Variants in AGBL4 observed in about 807,000 individuals in gnomAD.
The protein encoded by AGBL4 is AGBL carboxypeptidase 4.
AGBL4 carries 58 observed loss-of-function variants against 66.4 expected under a neutral mutation model. That is an observed-to-expected ratio of 0.87 (90% CI 0.71 to 1.09). The LOEUF (loss-of-function observed/expected upper bound fraction) is 1.09, where lower values mean the gene tolerates loss of function less well. AGBL4 is among the 50% of genes least tolerant of loss of function. AGBL4 has a pLI of 0.00. For synonymous variants in AGBL4, 234 were observed against 222.9 expected (o/e 1.05, Z -0.44); for missense variants, 579 against 631.0 (o/e 0.92, Z 0.88).
chr1:49,771,613 T>C (rs1039601063), intron 2 of AGBL4, among the ~76,000 whole-genome samples: 1 of 152,120 alleles, frequency 6.6e-6, no homozygotes, highest in East Asian at 1.9e-4. Context: ...TTACAATTAT[T>C]GTATTGCAGA....
chr1:48,855,892 CA>C (rs746010938), intron 6 of AGBL4, among the ~76,000 whole-genome samples: 4 of 151,624 alleles, frequency 2.6e-5, no homozygotes, highest in Non-Finnish European at 5.9e-5. Flanking sequence ...AAAATATAGA[CA>C]AAAACATACA....
At chr1:49,034,215 G>A in intron 5 of AGBL4, among the ~76,000 whole-genome samples, 1 of 152,060 alleles carries the variant, frequency 6.6e-6, no homozygotes, top group African/African-American at 2.4e-5. Context: ...TGGAGAAATG[G>A]GGACAGGGAT....
chr1:49,605,959 C>T (rs1571158818), intron 3 of AGBL4, among the ~76,000 whole-genome samples: 1 of 152,066 alleles, frequency 6.6e-6, no homozygotes, highest in Non-Finnish European at 1.5e-5. Context: ...AGACTATTGT[C>T]TTCTTGGCAT....
intron 1 of AGBL4, among the ~76,000 whole-genome samples, chr1:49,971,406 T>C (rs1658071783): frequency 6.6e-6 from 1 of 152,150 alleles, no homozygotes; most frequent in South Asian, 2.1e-4. Context: ...TAATAATGGT[T>C]CCAAAGCACA....
chr1:48,849,042 C>G (rs1457265800), intron 6 of AGBL4, among the ~76,000 whole-genome samples: 1 of 152,192 alleles, frequency 6.6e-6, no homozygotes, highest in Admixed American at 6.5e-5. Context: ...GGAGGGGAAC[C>G]CCAGCTTCTG....
chr1:49,624,898 T>C (rs1449581289), intron 3 of AGBL4, among the ~76,000 whole-genome samples: 1 of 152,216 alleles, frequency 6.6e-6, no homozygotes, highest in African/African-American at 2.4e-5. Flanking sequence ...TTAACTAATA[T>C]ACTTGCCTTC....
At chr1:48,586,939 T>C (rs756423053) in intron 11 of AGBL4, 65 bp downstream of exon 11, 11 of 1,598,038 alleles carry the variant, frequency 6.9e-6, no homozygotes, top group Middle Eastern at 1.7e-4. Flanking sequence ...ATTCCTGACC[T>C]GTCAGACTTG....
chr1:49,768,245 T>A (rs146113259), intron 2 of AGBL4, among the ~76,000 whole-genome samples: 9 of 152,186 alleles, frequency 5.9e-5, no homozygotes, highest in Non-Finnish European at 1.2e-4. Context: ...CAGGTTAATA[T>A]GCATGATGAA....
At chr1:48,747,609 C>G (rs1358234686) in intron 6 of AGBL4, among the ~76,000 whole-genome samples, 1 of 152,186 alleles carries the variant, frequency 6.6e-6, no homozygotes, top group African/African-American at 2.4e-5. Context: ...TGGTAAAGAT[C>G]CTGGTTCTGT....
At chr1:49,725,118 C>T (rs540592654) in intron 2 of AGBL4, among the ~76,000 whole-genome samples, 85 of 152,070 alleles carry the variant, frequency 5.6e-4, no homozygotes, top group Non-Finnish European at 8.1e-4. Context: ...ATTTTCCTCT[C>T]CTGTCAGAAT....
At chr1:49,144,239 C>T (rs1447247486) in intron 4 of AGBL4, among the ~76,000 whole-genome samples, 2 of 151,786 alleles carry the variant, frequency 1.3e-5, no homozygotes, top group African/African-American at 2.4e-5. Context: ...TATCAGTGGT[C>T]GCCAGGTACT....
At chr1:49,495,445 A>G (rs563833122) in intron 3 of AGBL4, among the ~76,000 whole-genome samples, 11 of 152,138 alleles carry the variant, frequency 7.2e-5, no homozygotes, top group South Asian at 2.1e-4. Flanking sequence ...AACATGGCCC[A>G]GGGAATCCAA....
Position 49,179,902 on chromosome 1 carries a change from T to A in AGBL4, c.377+65868A>T, listed in dbSNP as rs1444270346. ...TTACTTAACATCTTTATTTTTTTTA[T>A]TTTTTTTTTATTTTTTGAGACGGAG... On this transcript the variant is annotated intron_variant, in intron 4 of 13. Transcript: ENST00000371839. Among the ~76,000 whole-genome samples the A allele has an allele frequency of 2.0e-5, 3 of 149,430 alleles. No individual in the cohort carries two copies. In the South Asian group the frequency reaches 6.3e-4, roughly 32 times the overall value.
At chr1:49,775,930 AATAGTG>A (rs1364411838) in intron 2 of AGBL4, among the ~76,000 whole-genome samples, 2 of 152,116 alleles carry the variant, frequency 1.3e-5, no homozygotes, top group Non-Finnish European at 2.9e-5. Flanking sequence ...TCTGACTCTT[AATAGTG>A]AATTGGCTTT....
intron 1 of AGBL4, among the ~76,000 whole-genome samples, chr1:49,883,184 A>G (rs1401441935): frequency 6.6e-6 from 1 of 152,160 alleles, no homozygotes; most frequent in Non-Finnish European, 1.5e-5. Context: ...TTAATACAAC[A>G]CTACCATATC....
At chr1:49,412,948 T>G (rs1645347410) in intron 3 of AGBL4, among the ~76,000 whole-genome samples, 1 of 152,184 alleles carries the variant, frequency 6.6e-6, no homozygotes, top group East Asian at 1.9e-4. Context: ...ATTGACAATG[T>G]CAAATCCTGG....
chr1:49,691,702 A>G (rs538983067), intron 3 of AGBL4, among the ~76,000 whole-genome samples: 1 of 152,198 alleles, frequency 6.6e-6, no homozygotes, highest in Non-Finnish European at 1.5e-5. Flanking sequence ...TTAACATTTG[A>G]GTCAGTTGGG....
At chr1:49,601,448 C>T (rs377328082) in intron 3 of AGBL4, among the ~76,000 whole-genome samples, 261 of 151,844 alleles carry the variant, frequency 1.7e-3, no homozygotes, top group African/African-American at 5.7e-3. Context: ...GTATGCTTCA[C>T]GAAGTTCTAC....
intron 1 of AGBL4, among the ~76,000 whole-genome samples, chr1:50,003,637 G>A (rs2148423695): frequency 6.6e-6 from 1 of 152,250 alleles, no homozygotes; most frequent in East Asian, 1.9e-4. Context: ...GCCTGCCAGA[G>A]AGACAATAGC....
Sources: gnomAD v4.1 joint callset for allele counts (sites outside exome capture counted in the v4.1 genomes callset) on GRCh38, gnomAD v4.1.1 for gene constraint, MANE v1.5 for transcripts, NCBI Gene and HGNC (gene_info 2026-07-23, HGNC 2026-07-21) for gene names.